Variants in PTPRD observed in about 807,000 individuals in gnomAD.
PTPRD encodes the protein protein tyrosine phosphatase receptor type D, also known as receptor-type tyrosine-protein phosphatase delta.
In PTPRD, 34 loss-of-function variants were observed where a neutral mutation model predicts 214.5. The observed-to-expected ratio is 0.16, with a 90% CI of 0.12 to 0.21. The LOEUF is 0.21. Ranked by LOEUF, PTPRD falls within the 10% of genes least tolerant of loss-of-function variation. The probability of loss-of-function intolerance (pLI) is 1.00; values close to 1 mark genes in which losing one functional copy is unlikely to be tolerated. For synonymous variants in PTPRD, 1,128 were observed against 845.7 expected (o/e 1.33, Z -5.79); for missense variants, 2,545 against 2,398.7 (o/e 1.06, Z -1.27).
intron 8 of PTPRD, among the ~76,000 whole-genome samples, chr9:9,443,390 A>T (rs1348173206): frequency 6.6e-6 from 1 of 152,188 alleles, no homozygotes; most frequent in East Asian, 1.9e-4. Context: ...AGGATTAAGG[A>T]TGGTCACAGT....
At chr9:9,239,102 T>C (rs902230854) in intron 9 of PTPRD, among the ~76,000 whole-genome samples, 1 of 152,016 alleles carries the variant, frequency 6.6e-6, no homozygotes, top group African/African-American at 2.4e-5. Context: ...GATGTAAATC[T>C]ATTACCCTGT....
intron 11 of PTPRD, among the ~76,000 whole-genome samples, chr9:8,739,762 T>C (rs2091438258): frequency 6.6e-6 from 1 of 152,202 alleles, no homozygotes; most frequent in Non-Finnish European, 1.5e-5. Flanking sequence ...AATTCTCATG[T>C]GTTATGGGAG....
intron 8 of PTPRD, among the ~76,000 whole-genome samples, chr9:9,449,067 C>T (rs1351342567): frequency 6.6e-6 from 1 of 152,028 alleles, no homozygotes; most frequent in African/African-American, 2.4e-5. Context: ...GCAAGAAAGC[C>T]TACTGTTGTC....
rs1341084533 is a variant in PTPRD at position 8,528,653 on chromosome 9, A to C, written c.479T>G (p.Phe160Cys). 1.2e-6 allele frequency: 2 copies of C among 1,613,722 alleles called. No homozygotes were observed. Among genetic ancestry groups the C allele is most frequent in the Non-Finnish European group, 1.7e-6 (2 of 1,179,740 alleles). The change falls in exon 15 of 46, where the codon TTT becomes TGT. Residue 160 changes from phenylalanine to cysteine, a missense_variant. Transcript: ENST00000381196. ...SGNPDPEITW[F>C]KDFLPVDTSN... is the part of the protein sequence containing the mutation. Reference sequence around the variant, plus strand: ...TGTGTCCACAGGTAAGAAATCTTTAAACCAAGTGATTTCTGGATCCGGATT... The same window carrying C: ...TGTGTCCACAGGTAAGAAATCTTTACACCAAGTGATTTCTGGATCCGGATT...
chr9:8,441,874 T>C (rs2095558891), intron 34 of PTPRD, among the ~76,000 whole-genome samples: 1 of 152,198 alleles, frequency 6.6e-6, no homozygotes, highest in Non-Finnish European at 1.5e-5. Flanking sequence ...CACTCTCATT[T>C]AGCACATTTC....
intron 12 of PTPRD, among the ~76,000 whole-genome samples, chr9:8,726,604 T>A (rs1217667511): frequency 0.05 from 68 of 1,354 alleles, 20 homozygotes; most frequent in African/African-American, 0.3. Flanking sequence ...TATATATATA[T>A]ATATATATAT....
At chr9:9,791,452 T>C (rs1173285062) in intron 5 of PTPRD, among the ~76,000 whole-genome samples, 1 of 152,088 alleles carries the variant, frequency 6.6e-6, no homozygotes. Context: ...ATGGAATTAA[T>C]TGGTTATTTC....
chr9:10,235,994 C>A (rs930880672), intron 3 of PTPRD, among the ~76,000 whole-genome samples: 1 of 151,614 alleles, frequency 6.6e-6, no homozygotes, highest in Non-Finnish European at 1.5e-5. Flanking sequence ...TGGAACTGGG[C>A]GAGGAAAGCT....
At chr9:9,121,231 T>C (rs1216839245) in intron 10 of PTPRD, among the ~76,000 whole-genome samples, 3 of 152,140 alleles carry the variant, frequency 2.0e-5, no homozygotes, top group Non-Finnish European at 2.9e-5. Flanking sequence ...TCTTGTAATG[T>C]AAACTAATAC....
intron 11 of PTPRD, among the ~76,000 whole-genome samples, chr9:8,951,095 A>G (rs2099099171): frequency 6.6e-6 from 1 of 151,160 alleles, no homozygotes; most frequent in Admixed American, 6.6e-5. Flanking sequence ...TTTTAAGGCT[A>G]AAAGTTTATG....
At chr9:10,243,555 A>C (rs1198983909) in intron 3 of PTPRD, among the ~76,000 whole-genome samples, 1 of 151,994 alleles carries the variant, frequency 6.6e-6, no homozygotes, top group African/African-American at 2.4e-5. Context: ...AACATTCTAT[A>C]TTCTATTTCC....
rs573634224 is a variant in PTPRD, at chr9:8,431,388, G to T, written c.4086+5204C>A. Among the ~76,000 whole-genome samples, 8 of 152,136 alleles carry T rather than the reference G, an allele frequency of 5.3e-5. No homozygotes were observed. In the East Asian group the frequency reaches 1.5e-3, roughly 29 times the overall value. On this transcript the variant is annotated intron_variant, in intron 35 of 45. Coordinates refer to ENST00000381196, the MANE Select transcript of PTPRD (RefSeq NM_002839.4). ...GAGAAGATATCAGGAAATTGCCACAGCCCTTCAGTTTTAGATGATAGTTCT... is the reference window on the plus strand; with the variant it reads ...GAGAAGATATCAGGAAATTGCCACATCCCTTCAGTTTTAGATGATAGTTCT...
intron 3 of PTPRD, among the ~76,000 whole-genome samples, chr9:10,279,092 T>G (rs926622644): frequency 6.6e-6 from 1 of 151,950 alleles, no homozygotes; most frequent in Non-Finnish European, 1.5e-5. Flanking sequence ...GGTAAAAGTT[T>G]TTAACGGAAC....
intron 2 of PTPRD, among the ~76,000 whole-genome samples, chr9:10,477,683 T>A (rs571897083): frequency 2.6e-5 from 4 of 151,948 alleles, no homozygotes; most frequent in Non-Finnish European, 5.9e-5. Context: ...CATGCACACG[T>A]AGGTTATTGC....
chr9:9,898,397 A>G (rs2075578513), intron 5 of PTPRD, among the ~76,000 whole-genome samples: 2 of 152,078 alleles, frequency 1.3e-5, no homozygotes, highest in African/African-American at 4.8e-5. Context: ...GATTATCAAT[A>G]AAAGCAGGAC....
chr9:9,814,998 G>T (rs548357230), intron 5 of PTPRD, among the ~76,000 whole-genome samples: 2 of 151,900 alleles, frequency 1.3e-5, no homozygotes, highest in East Asian at 3.9e-4. Context: ...CTGGGCTCAA[G>T]TGCTTCACCC....
chr9:10,073,978 T>C (rs1036968919), intron 3 of PTPRD, among the ~76,000 whole-genome samples: 1 of 152,134 alleles, frequency 6.6e-6, no homozygotes, highest in Non-Finnish European at 1.5e-5. Flanking sequence ...AAATTTCAAG[T>C]ATTCTTGATA....
In PTPRD at chr9:8,317,206, G is replaced by C. The variant is rs1184110336; in HGVS notation, c.*668C>G. 2 of 231,540 alleles carry C rather than the reference G, an allele frequency of 8.6e-6. No homozygotes were observed. Among genetic ancestry groups the C allele is most frequent in the Admixed American group, 5.7e-5 (1 of 17,660 alleles). 14.3% of individuals were successfully genotyped at this position (231,540 alleles called of 1,614,324 possible). ...GATATTTCTACAGCAAGATATTACA[G>C]ATAACAGTTCTACAGCTTAAAAAAA... On this transcript the variant is annotated 3_prime_UTR_variant, in exon 46 of 46. Transcript: ENST00000381196.
At chr9:10,249,223 C>A (rs2092539585) in intron 3 of PTPRD, among the ~76,000 whole-genome samples, 1 of 152,152 alleles carries the variant, frequency 6.6e-6, no homozygotes, top group Non-Finnish European at 1.5e-5. Context: ...AGCCATTAAT[C>A]ACTAAAGACA....
Sources: gnomAD v4.1 joint callset for allele counts (sites outside exome capture counted in the v4.1 genomes callset) on GRCh38, gnomAD v4.1.1 for gene constraint, MANE v1.5 for transcripts, NCBI Gene and HGNC (gene_info 2026-07-23, HGNC 2026-07-21) for gene names.